The following CCDC171 variants were observed in gnomAD, a reference collection of about 807,000 sequenced individuals.
CCDC171 encodes coiled-coil domain-containing protein 171.
CCDC171 carries 177 observed loss-of-function variants against 168.2 expected under a neutral mutation model. The ratio of observed to expected loss-of-function variants is 1.05; its 90% confidence interval spans 0.93 to 1.19. CCDC171 has a LOEUF of 1.19. CCDC171 is among the 50% of genes most tolerant of loss of function. The probability of loss-of-function intolerance (pLI) is 0.00; values close to 1 mark genes in which losing one functional copy is unlikely to be tolerated. For missense variants in CCDC171, 1,991 were observed against 1,539.0 expected (o/e 1.29, Z -4.91); for synonymous variants, 687 against 540.8 (o/e 1.27, Z -3.75).
chr9:15,946,711 A>C (rs903555808), intron 25 of CCDC171, among the ~76,000 whole-genome samples: 7 of 152,082 alleles, frequency 4.6e-5, no homozygotes, highest in Non-Finnish European at 1.0e-4. Flanking sequence ...CTGCATCGCC[A>C]AGTCAATCCT....
chr9:15,794,653 A>C (rs531962749), intron 21 of CCDC171, among the ~76,000 whole-genome samples: 2 of 152,336 alleles, frequency 1.3e-5, no homozygotes, highest in Admixed American at 1.3e-4. Flanking sequence ...AGTGGTTTTT[A>C]GATTTTTAAG....
chr9:15,664,701 T>G lies in CCDC171; in HGVS notation c.916-1462T>G, dbSNP rs1224945199. Among the ~76,000 whole-genome samples, 82 of 147,730 alleles carry G rather than the reference T, an allele frequency of 5.6e-4. 1 individual carries two copies. Among genetic ancestry groups the G allele is most frequent in the Admixed American group, 1.8e-3 (27 of 14,984 alleles). On this transcript the variant is annotated intron_variant, in intron 8 of 25. Coordinates refer to ENST00000380701, the MANE Select transcript of CCDC171 (RefSeq NM_173550.4). ...CACAGGGAATATAGTTTTGTTTTTT[T>G]TTTTTTTTTTTTTTGAGACGGAGTT...
intron 11 of CCDC171, among the ~76,000 whole-genome samples, chr9:15,705,171 T>G (rs1402531845): frequency 1.3e-5 from 2 of 151,756 alleles, no homozygotes; most frequent in African/African-American, 4.8e-5. Context: ...TTAATTAACT[T>G]GGTTGTGGTA....
intron 18 of CCDC171, among the ~76,000 whole-genome samples, chr9:15,748,091 A>G (rs2055431804): frequency 6.6e-6 from 1 of 152,172 alleles, no homozygotes; most frequent in Non-Finnish European, 1.5e-5. Context: ...CTTCAAATGC[A>G]TTACTCTGAG....
At chr9:15,862,694 C>A (rs2061612586) in intron 23 of CCDC171, among the ~76,000 whole-genome samples, 1 of 151,726 alleles carries the variant, frequency 6.6e-6, no homozygotes, top group African/African-American at 2.4e-5. Context: ...CAGAGAAGAC[C>A]TTCACCAATA....
chr9:15,615,110 C>T (rs1239656384), intron 6 of CCDC171, among the ~76,000 whole-genome samples: 1 of 151,770 alleles, frequency 6.6e-6, no homozygotes, highest in Non-Finnish European at 1.5e-5. Context: ...AATATATATG[C>T]AAAAATATTA....
intron 3 of CCDC171, among the ~76,000 whole-genome samples, chr9:15,979,428 A>G (rs897747782): frequency 2.6e-5 from 4 of 152,152 alleles, no homozygotes; most frequent in African/African-American, 7.2e-5. Context: ...TTGGATTTTC[A>G]TAGATGCCCT....
At chr9:15,807,131 T>C (rs1460125034) in intron 21 of CCDC171, among the ~76,000 whole-genome samples, 2 of 152,148 alleles carry the variant, frequency 1.3e-5, no homozygotes, top group Non-Finnish European at 2.9e-5. Flanking sequence ...TTATCGCAGT[T>C]CTTAGTTTCC....
intron 3 of CCDC171, among the ~76,000 whole-genome samples, chr9:15,578,060 TATC>T (rs1458419593): frequency 2.6e-5 from 4 of 152,224 alleles, no homozygotes; most frequent in African/African-American, 9.7e-5. Context: ...TGATCAGTGA[TATC>T]ATAATCAAGA....
chr9:15,800,225 T>A (rs556621660), intron 21 of CCDC171, among the ~76,000 whole-genome samples: 1 of 152,252 alleles, frequency 6.6e-6, no homozygotes, highest in South Asian at 2.1e-4. Context: ...TAATTTACAT[T>A]CCCACCAACA....
At chr9:15,946,912 C>T (rs1052323648) in intron 25 of CCDC171, among the ~76,000 whole-genome samples, 4 of 151,914 alleles carry the variant, frequency 2.6e-5, no homozygotes, top group African/African-American at 9.7e-5. Flanking sequence ...GGGGAGATAG[C>T]ACTTTTATAT....
chr9:15,740,293 C>T (rs902862405), intron 16 of CCDC171, among the ~76,000 whole-genome samples: 3 of 151,746 alleles, frequency 2.0e-5, no homozygotes, highest in Admixed American at 6.6e-5. Flanking sequence ...ACCATTTAGT[C>T]TGTCTTTTTG....
rs1554714819 is a variant in CCDC171 at position 15,623,469 on chromosome 9, G to GCACACACACA, written c.822+57_822+58insACACACACAC. On this transcript the variant is annotated intron_variant, in intron 7 of 25. Coordinates refer to ENST00000380701, the MANE Select transcript of CCDC171 (RefSeq NM_173550.4). ...TGCGTACAAACTTTCACATATGCGCGCGCGCGCACACACACACACACACAC... is the reference window on the plus strand; with the variant it reads ...TGCGTACAAACTTTCACATATGCGCGCACACACACACGCGCGCACACACACACACACACAC... 1.0e-4 allele frequency: 53 copies of GCACACACACA among 529,906 alleles called. No individual in the cohort carries two copies. In the African/African-American group the frequency reaches 2.1e-3, roughly 21 times the overall value. The allele number at this position is 529,906 out of a possible 1,614,324, so 32.8% of individuals were successfully genotyped here.
At chr9:16,091,797 T>C in the CCDC171 span, among the ~76,000 whole-genome samples, 3 of 152,212 alleles carry the variant, frequency 2.0e-5, no homozygotes, top group African/African-American at 7.2e-5. Context: ...AGGAATAAGA[T>C]ACGATGCTCT....
intron 21 of CCDC171, among the ~76,000 whole-genome samples, chr9:15,834,556 T>G (rs929034945): frequency 6.6e-5 from 10 of 152,238 alleles, no homozygotes; most frequent in Admixed American, 5.9e-4. Context: ...TTTAGTATAT[T>G]CACAATTAAG....
chr9:15,627,808 G>A (rs906572554), intron 7 of CCDC171, among the ~76,000 whole-genome samples: 1 of 152,188 alleles, frequency 6.6e-6, no homozygotes, highest in Admixed American at 6.5e-5. Context: ...ATTTTGCATG[G>A]AGAGTACCGT....
intron 1 of CCDC171, among the ~76,000 whole-genome samples, chr9:16,054,904 G>C (rs1043383416): frequency 6.6e-6 from 1 of 152,172 alleles, no homozygotes; most frequent in Non-Finnish European, 1.5e-5. Flanking sequence ...ATCCAAACAC[G>C]CAGGGCGGGG....
the CCDC171 span, among the ~76,000 whole-genome samples, chr9:16,083,116 A>G: frequency 2.0e-5 from 3 of 152,230 alleles, no homozygotes; most frequent in Admixed American, 1.3e-4. Context: ...AAGAATGACA[A>G]CTTAAAATCT....
rs552892208 is a variant in CCDC171 at position 15,617,582 on chromosome 9, T to C, written c.676-5685T>C. 8.5e-4 allele frequency among the ~76,000 whole-genome samples: 130 copies of C among 152,218 alleles called. 2 individuals are homozygous for C. In the South Asian group the frequency reaches 0.026, roughly 30 times the overall value. ...TAGTAGAGACGGGGTTTCACCATGTTAGCCAGGATAGTCTTGATGTCCTGA... is the reference window on the plus strand; with the variant it reads ...TAGTAGAGACGGGGTTTCACCATGTCAGCCAGGATAGTCTTGATGTCCTGA... On this transcript the variant is annotated intron_variant, in intron 6 of 25. Transcript: ENST00000380701.
Sources: allele counts gnomAD v4.1 joint callset (sites outside exome capture counted in the v4.1 genomes callset), GRCh38; gene constraint gnomAD v4.1.1; transcripts MANE v1.5; gene names NCBI Gene and HGNC (gene_info 2026-07-23, HGNC 2026-07-21).